Variants in PRKG1 observed in about 807,000 individuals in gnomAD.
PRKG1 encodes the protein protein kinase cGMP-dependent 1, also known as cGMP-dependent protein kinase 1.
PRKG1 carries 35 observed loss-of-function variants against 88.1 expected under a neutral mutation model. That is an observed-to-expected ratio of 0.40 (90% CI 0.30 to 0.53). The LOEUF (loss-of-function observed/expected upper bound fraction) is 0.53. PRKG1 is among the 20% of genes least tolerant of loss of function. The pLI, the probability that PRKG1 is intolerant of heterozygous loss-of-function variation, is 0.59. For synonymous variants in PRKG1, 303 were observed against 292.5 expected (o/e 1.04, Z -0.37); for missense variants, 540 against 839.8 (o/e 0.64, Z 4.41).
intron 1 of PRKG1, among the ~76,000 whole-genome samples, chr10:51,147,192 A>G (rs947038555): frequency 2.6e-5 from 4 of 152,188 alleles, no homozygotes; most frequent in South Asian, 2.1e-4. Context: ...TTATAGCTAC[A>G]TAAGAGGAAT....
intron 4 of PRKG1, among the ~76,000 whole-genome samples, chr10:51,850,052 A>G (rs1411966013): frequency 1.3e-5 from 2 of 152,246 alleles, no homozygotes; most frequent in African/African-American, 4.8e-5. Context: ...TAAGGATTTG[A>G]AAGTGTAAGA....
At chr10:52,065,563 A>G (rs1259817826) in intron 7 of PRKG1, among the ~76,000 whole-genome samples, 2 of 152,142 alleles carry the variant, frequency 1.3e-5, no homozygotes, top group Non-Finnish European at 2.9e-5. Flanking sequence ...CTGATAAATC[A>G]TCTTACTCAG....
chr10:51,587,267 A>T (rs894632766), intron 3 of PRKG1, among the ~76,000 whole-genome samples: 17 of 152,306 alleles, frequency 1.1e-4, no homozygotes, highest in African/African-American at 4.1e-4. Flanking sequence ...AATGGAAGAA[A>T]GAATAAAACT....
intron 1 of PRKG1, among the ~76,000 whole-genome samples, chr10:51,022,038 A>G (rs1330218311): frequency 1.3e-5 from 2 of 152,316 alleles, no homozygotes; most frequent in Admixed American, 1.3e-4. Context: ...TGTGCAAGCA[A>G]CACATCTCTT....
chr10:51,346,352 C>G (rs1842114042), intron 2 of PRKG1, among the ~76,000 whole-genome samples: 1 of 152,122 alleles, frequency 6.6e-6, no homozygotes, highest in African/African-American at 2.4e-5. Context: ...GTAAGCATGT[C>G]TTTTAGGATG....
At chr10:51,550,499 T>A (rs1217688090) in intron 3 of PRKG1, among the ~76,000 whole-genome samples, 2 of 152,088 alleles carry the variant, frequency 1.3e-5, no homozygotes, top group Non-Finnish European at 2.9e-5. Context: ...TTATTTATCT[T>A]CCTTATTTTC....
At chr10:51,790,158 G>A (rs554207023) in intron 3 of PRKG1, among the ~76,000 whole-genome samples, 22 of 152,192 alleles carry the variant, frequency 1.4e-4, no homozygotes, top group African/African-American at 5.3e-4. Context: ...TAACTTTGCA[G>A]CCTGTCTAAA....
intron 3 of PRKG1, among the ~76,000 whole-genome samples, chr10:51,554,294 A>C (rs557108193): frequency 1.1e-3 from 161 of 146,408 alleles, no homozygotes; most frequent in African/African-American, 3.5e-3. Flanking sequence ...TATATTATAT[A>C]TGTATATATA....
At chr10:52,169,534 C>T (rs1360806957) in intron 9 of PRKG1, among the ~76,000 whole-genome samples, 1 of 152,148 alleles carries the variant, frequency 6.6e-6, no homozygotes, top group African/African-American at 2.4e-5. Flanking sequence ...GGTTTCCACA[C>T]ATGAATTTAG....
intron 4 of PRKG1, among the ~76,000 whole-genome samples, chr10:51,836,435 T>C (rs1434958582): frequency 2.6e-5 from 4 of 152,216 alleles, no homozygotes; most frequent in Non-Finnish European, 4.4e-5. Context: ...CCCATTTGTC[T>C]ATATTTGCAT....
intron 5 of PRKG1, among the ~76,000 whole-genome samples, chr10:51,948,206 T>C (rs1200993293): frequency 6.6e-6 from 1 of 152,298 alleles, no homozygotes; most frequent in African/African-American, 2.4e-5. Context: ...AGGAGTTTCA[T>C]GTACTGAGAA....
intron 7 of PRKG1, among the ~76,000 whole-genome samples, chr10:52,132,157 G>A (rs1201777140): frequency 6.6e-6 from 1 of 152,062 alleles, no homozygotes; most frequent in Non-Finnish European, 1.5e-5. Flanking sequence ...TGAACAAGTA[G>A]AAAGTCATGC....
chr10:51,410,045 T>C (rs1838035804), intron 2 of PRKG1, among the ~76,000 whole-genome samples: 1 of 151,790 alleles, frequency 6.6e-6, no homozygotes, highest in African/African-American at 2.4e-5. Flanking sequence ...CAGAGCAGCT[T>C]GAACAGCAGC....
intron 3 of PRKG1, among the ~76,000 whole-genome samples, chr10:51,534,428 G>A (rs1383384822): frequency 6.6e-6 from 1 of 152,032 alleles, no homozygotes; most frequent in Non-Finnish European, 1.5e-5. Context: ...CAGCACTTTG[G>A]GAGGCTGAGG....
chr10:51,483,983 TGGA>T (rs900626917), intron 3 of PRKG1, among the ~76,000 whole-genome samples: 9 of 152,082 alleles, frequency 5.9e-5, no homozygotes, highest in African/African-American at 2.2e-4. Context: ...CACGTGAAAG[TGGA>T]GGAGGAGTAG....
intron 3 of PRKG1, among the ~76,000 whole-genome samples, chr10:51,627,179 G>T (rs1374087972): frequency 6.6e-6 from 1 of 152,214 alleles, no homozygotes; most frequent in Admixed American, 6.5e-5. Context: ...GGAGGAGAGA[G>T]AGAAGGAAAC....
intron 4 of PRKG1, among the ~76,000 whole-genome samples, chr10:51,872,615 T>C (rs998696202): frequency 6.6e-6 from 1 of 152,192 alleles, no homozygotes. Flanking sequence ...AATAACTATA[T>C]AGTTTTTTCC....
At chr10:51,948,937 GT>G (rs1288621435) in intron 5 of PRKG1, among the ~76,000 whole-genome samples, 1 of 152,154 alleles carries the variant, frequency 6.6e-6, no homozygotes, top group African/African-American at 2.4e-5. Context: ...TGAACTATTT[GT>G]GTGCATGTTT....
intron 3 of PRKG1, among the ~76,000 whole-genome samples, chr10:51,556,923 C>T (rs1837328170): frequency 6.6e-6 from 1 of 151,938 alleles, no homozygotes; most frequent in Admixed American, 6.6e-5. Flanking sequence ...CATTAATTAA[C>T]CATAAATGTT....
Sources: allele counts gnomAD v4.1 joint callset (sites outside exome capture counted in the v4.1 genomes callset), GRCh38; gene constraint gnomAD v4.1.1; transcripts MANE v1.5; gene names NCBI Gene and HGNC (gene_info 2026-07-23, HGNC 2026-07-21).